The following C8orf34 variants were observed in gnomAD, a reference collection of about 807,000 sequenced individuals.
C8orf34 encodes uncharacterized protein C8orf34.
Under a neutral mutation model 68.3 loss-of-function variants are expected in C8orf34, and 65 were observed. That is an observed-to-expected ratio of 0.95 (90% CI 0.78 to 1.17). C8orf34 has a LOEUF of 1.17. C8orf34 is among the 50% of genes most tolerant of loss of function. The pLI is 0.00. For missense variants in C8orf34, 664 were observed against 655.4 expected (o/e 1.01, Z -0.14); for synonymous variants, 244 against 241.2 (o/e 1.01, Z -0.11).
At chr8:68,639,249 T>C (rs998008509) in intron 7 of C8orf34, among the ~76,000 whole-genome samples, 1 of 152,204 alleles carries the variant, frequency 6.6e-6, no homozygotes, top group African/African-American at 2.4e-5. Flanking sequence ...ATGACTCCCA[T>C]GAAGTTGAGT....
intron 8 of C8orf34, among the ~76,000 whole-genome samples, chr8:68,642,636 G>T (rs970002809): frequency 2.0e-5 from 3 of 152,098 alleles, no homozygotes; most frequent in East Asian, 1.9e-4. Flanking sequence ...AGTGCAAAAG[G>T]TTATATTATG....
intron 7 of C8orf34, among the ~76,000 whole-genome samples, chr8:68,587,597 T>C: frequency 6.6e-6 from 1 of 152,034 alleles, no homozygotes; most frequent in East Asian, 1.9e-4. Context: ...TCAAGAAAAC[T>C]TAATAAAATA....
chr8:68,378,616 G>T (rs1807905872), intron 1 of C8orf34, among the ~76,000 whole-genome samples: 1 of 152,128 alleles, frequency 6.6e-6, no homozygotes, highest in African/African-American at 2.4e-5. Context: ...GAGATCCAAA[G>T]CATGAATAAC....
At chr8:68,710,577 C>T (rs553411315) in intron 9 of C8orf34, among the ~76,000 whole-genome samples, 1 of 152,238 alleles carries the variant, frequency 6.6e-6, no homozygotes, top group African/African-American at 2.4e-5. Flanking sequence ...GAATATAACT[C>T]CATTGGACTG....
Position 68,709,057 on chromosome 8 carries a change from T to C in C8orf34, c.1305T>C (p.Asp435=). 1 of 1,612,486 alleles carries C rather than the reference T, an allele frequency of 6.2e-7. No homozygotes were observed. Among genetic ancestry groups the C allele is most frequent in the African/African-American group, 1.3e-5 (1 of 74,924 alleles). ...CACTACCAATACTCCATTCTCCAGA[T>C]GAAAAAATCCCAGATTCATTCGGTA... The part of the protein sequence containing the change: ...EESLPILHSP[D]EKIPDSFDSL... Residue 435 remains aspartate, a synonymous_variant, in exon 9 of 14, where the codon GAT becomes GAC. Coordinates refer to ENST00000518698, the MANE Select transcript of C8orf34 (RefSeq NM_052958.4).
intron 9 of C8orf34, among the ~76,000 whole-genome samples, chr8:68,717,451 C>T (rs145477730): frequency 3.3e-3 from 492 of 151,186 alleles, no homozygotes; most frequent in Non-Finnish European, 4.7e-3. Context: ...CAATTTCGTG[C>T]CACTGCCCTA....
chr8:68,645,672 A>G (rs944337568), intron 8 of C8orf34, among the ~76,000 whole-genome samples: 1 of 152,208 alleles, frequency 6.6e-6, no homozygotes, highest in South Asian at 2.1e-4. Flanking sequence ...AAACAATACT[A>G]TAATGCTAAG....
chr8:68,468,704 T>G lies in C8orf34; in HGVS notation c.620T>G (p.Val207Gly), dbSNP rs535057811. The G allele has an allele frequency of 1.4e-5, 22 of 1,612,546 alleles. No homozygotes were observed. In the South Asian group the frequency reaches 2.3e-4, roughly 17 times the overall value. The change falls in exon 4 of 14, where the codon GTA becomes GGA. Residue 207 changes from valine (V) to glycine (G), a missense_variant. Physicochemically the swap from Val to Gly is moderately radical, Grantham distance 109. Coordinates refer to ENST00000518698, the MANE Select transcript of C8orf34 (RefSeq NM_052958.4). ...TTTTTAAACATAGTGCCAAGGTCAGTAGAGCATCCAAAGTGGAACTGGAGG... is the reference window on the plus strand; with the variant it reads ...TTTTTAAACATAGTGCCAAGGTCAGGAGAGCATCCAAAGTGGAACTGGAGG... ...SPDSKSLPRS[V>G]EHPKWNWRTK...
intron 1 of C8orf34, among the ~76,000 whole-genome samples, chr8:68,384,309 G>C (rs562095324): frequency 1.3e-5 from 2 of 152,276 alleles, no homozygotes; most frequent in African/African-American, 4.8e-5. Flanking sequence ...AATGGCTTTT[G>C]CCAGTTTAGT....
intron 7 of C8orf34, among the ~76,000 whole-genome samples, chr8:68,557,015 T>C (rs1350846835): frequency 2.0e-5 from 3 of 152,170 alleles, no homozygotes; most frequent in African/African-American, 7.2e-5. Context: ...AGACCATCAT[T>C]TCTACCATAC....
At chr8:68,493,194 C>T (rs1009003884) in intron 5 of C8orf34, among the ~76,000 whole-genome samples, 3 of 152,108 alleles carry the variant, frequency 2.0e-5, no homozygotes, top group African/African-American at 4.8e-5. Flanking sequence ...ATTACACTTC[C>T]GTGCATCAAA....
intron 3 of C8orf34, among the ~76,000 whole-genome samples, chr8:68,459,000 C>T (rs1480341204): frequency 6.6e-6 from 1 of 152,172 alleles, no homozygotes; most frequent in East Asian, 1.9e-4. Context: ...TCAAATTCTA[C>T]TCCCCTAGAA....
chr8:68,591,990 A>G (rs1817402681), intron 7 of C8orf34, among the ~76,000 whole-genome samples: 1 of 152,136 alleles, frequency 6.6e-6, no homozygotes, highest in Admixed American at 6.5e-5. Context: ...GGAACCCCCC[A>G]AATAAGATAA....
chr8:68,397,106 A>G (rs1308955874), intron 1 of C8orf34, among the ~76,000 whole-genome samples: 2 of 151,954 alleles, frequency 1.3e-5, no homozygotes, highest in Non-Finnish European at 2.9e-5. Flanking sequence ...TCCCAAGTTC[A>G]AGCAATTGTC....
At chr8:68,343,335 C>T (rs940171416) in intron 1 of C8orf34, among the ~76,000 whole-genome samples, 15 of 152,192 alleles carry the variant, frequency 9.9e-5, no homozygotes, top group Non-Finnish European at 7.3e-5. Context: ...TGAAGAGAGA[C>T]TGAATCACTC....
At chr8:68,622,916 A>G (rs1259080918) in intron 7 of C8orf34, among the ~76,000 whole-genome samples, 1 of 152,210 alleles carries the variant, frequency 6.6e-6, no homozygotes. Flanking sequence ...ATGTTCGTAT[A>G]TATCATTTGT....
In C8orf34 at chr8:68,521,897, G is replaced by T; in HGVS notation, c.864G>T (p.Met288Ile). 6.2e-7 allele frequency: 1 copy of T among 1,614,088 alleles called. No homozygotes were observed. The highest frequency in any genetic ancestry group is 8.5e-7 in the Non-Finnish European group (1 of 1,179,988). ...ATGCTGATCCCCTAGCTGCTGAAAT[G>T]CTACAGCCTCCAATTCCAAGAAGCA... ...ENDADPLAAEMLQPPIPRSKN... is the reference protein window; with the variant it reads ...ENDADPLAAEILQPPIPRSKN... Residue 288 changes from methionine (M) to isoleucine (I), a missense_variant, in exon 6 of 14, where the codon ATG becomes ATT. Transcript: ENST00000518698.
chr8:68,353,348 G>A (rs1806597435), intron 1 of C8orf34, among the ~76,000 whole-genome samples: 1 of 151,994 alleles, frequency 6.6e-6, no homozygotes. Flanking sequence ...GCTAAAGAAA[G>A]TGATAATGTT....
chr8:68,657,103 G>T (rs1819531226), intron 8 of C8orf34, among the ~76,000 whole-genome samples: 1 of 151,978 alleles, frequency 6.6e-6, no homozygotes, highest in Non-Finnish European at 1.5e-5. Context: ...ATGCCCTATG[G>T]TTTCCTTTCT....
Sources: allele counts gnomAD v4.1 joint callset (sites outside exome capture counted in the v4.1 genomes callset), GRCh38; gene constraint gnomAD v4.1.1; transcripts MANE v1.5; gene names NCBI Gene and HGNC (gene_info 2026-07-23, HGNC 2026-07-21).